ERC2: variants seen among roughly 807,000 people sequenced by gnomAD.
ERC2 encodes the protein ELKS/RAB6-interacting/CAST family member 2, also known as ERC protein 2.
In ERC2, 42 loss-of-function variants were observed where a neutral mutation model predicts 114.8. The ratio of observed to expected loss-of-function variants is 0.37; its 90% CI spans 0.29 to 0.47. The LOEUF (loss-of-function observed/expected upper bound fraction) is 0.47. Ranked by LOEUF, ERC2 falls within the 20% of genes least tolerant of loss-of-function variation. The pLI, the probability that ERC2 is intolerant of heterozygous loss-of-function variation, is 0.99. For synonymous variants in ERC2, 454 were observed against 425.5 expected (o/e 1.07, Z -0.82); for missense variants, 939 against 1,150.7 (o/e 0.82, Z 2.66).
chr3:56,461,756 A>G (rs2063329196), intron 1 of ERC2, among the ~76,000 whole-genome samples: 1 of 152,338 alleles, frequency 6.6e-6, no homozygotes, highest in Non-Finnish European at 1.5e-5. Flanking sequence ...CACTTCATAC[A>G]ACATAAATCT....
intron 3 of ERC2, among the ~76,000 whole-genome samples, chr3:56,267,762 G>A (rs748106926): frequency 6.6e-6 from 1 of 152,116 alleles, no homozygotes; most frequent in Non-Finnish European, 1.5e-5. Flanking sequence ...CTGGGCAAAA[G>A]AGCGGAACTC....
At chr3:56,250,094 G>A (rs1362860161) in intron 3 of ERC2, among the ~76,000 whole-genome samples, 2 of 152,034 alleles carry the variant, frequency 1.3e-5, no homozygotes, top group African/African-American at 2.4e-5. Context: ...CTGACCTTGT[G>A]ATCCACCTGC....
At chr3:56,259,595 A>T (rs2052770383) in intron 3 of ERC2, among the ~76,000 whole-genome samples, 1 of 152,008 alleles carries the variant, frequency 6.6e-6, no homozygotes, top group African/African-American at 2.4e-5. Flanking sequence ...TATCCCAGAT[A>T]CCCTCTAGGT....
intron 17 of ERC2, among the ~76,000 whole-genome samples, chr3:55,554,053 G>A (rs1442717265): frequency 6.6e-6 from 1 of 152,184 alleles, no homozygotes; most frequent in East Asian, 1.9e-4. Context: ...GCTTAACTAG[G>A]GAAAACAATG....
intron 17 of ERC2, among the ~76,000 whole-genome samples, chr3:55,675,789 G>A (rs2061758229): frequency 6.6e-6 from 1 of 151,220 alleles, no homozygotes; most frequent in Admixed American, 6.6e-5. Flanking sequence ...GTGCCATTAT[G>A]GCCATTTTCA....
chr3:55,555,896 A>T (rs2055570960), intron 17 of ERC2, among the ~76,000 whole-genome samples: 1 of 152,220 alleles, frequency 6.6e-6, no homozygotes, highest in Admixed American at 6.5e-5. Context: ...TCAGCAGGAA[A>T]GAGCAGCCCA....
At chr3:55,724,738 C>G (rs1250566898) in intron 15 of ERC2, among the ~76,000 whole-genome samples, 1 of 152,182 alleles carries the variant, frequency 6.6e-6, no homozygotes, top group Non-Finnish European at 1.5e-5. Context: ...CACTCCTAAG[C>G]CTCACTGAAG....
chr3:55,788,361 T>C (rs557475142), intron 14 of ERC2, among the ~76,000 whole-genome samples: 1 of 152,320 alleles, frequency 6.6e-6, no homozygotes, highest in East Asian at 1.9e-4. Context: ...GTCCTGGCCA[T>C]GTGCTAGGAA....
intron 10 of ERC2, among the ~76,000 whole-genome samples, chr3:55,997,026 C>T (rs1039211363): frequency 2.0e-5 from 3 of 152,104 alleles, no homozygotes; most frequent in Non-Finnish European, 4.4e-5. Context: ...ATCCAGATCC[C>T]TAGAAAGGAA....
At chr3:56,239,164 A>G (rs1237392073) in intron 3 of ERC2, among the ~76,000 whole-genome samples, 2 of 152,214 alleles carry the variant, frequency 1.3e-5, no homozygotes, top group East Asian at 1.9e-4. Context: ...TAAAATATAC[A>G]AAGGGAAAAA....
intron 6 of ERC2, among the ~76,000 whole-genome samples, chr3:56,113,451 C>A (rs963591135): frequency 6.6e-6 from 1 of 152,080 alleles, no homozygotes; most frequent in African/African-American, 2.4e-5. Flanking sequence ...ATATAGCAGC[C>A]CTCTATGATT....
intron 13 of ERC2, among the ~76,000 whole-genome samples, chr3:55,919,790 T>C (rs1487496618): frequency 6.6e-6 from 1 of 152,064 alleles, no homozygotes; most frequent in African/African-American, 2.4e-5. Flanking sequence ...GAGGGGGTAG[T>C]AAACCAGCCA....
intron 17 of ERC2, among the ~76,000 whole-genome samples, chr3:55,522,710 A>G (rs2053044439): frequency 6.6e-6 from 1 of 152,166 alleles, no homozygotes; most frequent in Non-Finnish European, 1.5e-5. Context: ...ACAAGGGCCC[A>G]GGGCTGAAAC....
intron 14 of ERC2, among the ~76,000 whole-genome samples, chr3:55,799,183 G>A (rs2070772219): frequency 6.6e-6 from 1 of 151,898 alleles, no homozygotes; most frequent in African/African-American, 2.4e-5. Context: ...TGTATAAAGT[G>A]CTACTGCAAA....
At chr3:55,899,533 G>T (rs1198837176) in intron 13 of ERC2, among the ~76,000 whole-genome samples, 1 of 151,338 alleles carries the variant, frequency 6.6e-6, no homozygotes, top group Non-Finnish European at 1.5e-5. Context: ...GTGTGTGTGT[G>T]ATTTAAAAGT....
intron 4 of ERC2, among the ~76,000 whole-genome samples, chr3:56,149,617 A>T (rs1560260378): frequency 6.6e-6 from 1 of 152,198 alleles, no homozygotes; most frequent in Non-Finnish European, 1.5e-5. Flanking sequence ...TACTAATGGG[A>T]AAAAGGATTC....
At chr3:55,521,520 G>T (rs2052932670) in intron 17 of ERC2, among the ~76,000 whole-genome samples, 1 of 152,222 alleles carries the variant, frequency 6.6e-6, no homozygotes, top group South Asian at 2.1e-4. Context: ...ACTTTTCCAG[G>T]TGAGTAGCTC....
At chr3:55,896,655 T>A (rs1166610799) in intron 13 of ERC2, among the ~76,000 whole-genome samples, 2 of 152,228 alleles carry the variant, frequency 1.3e-5, no homozygotes, top group African/African-American at 4.8e-5. Flanking sequence ...CTCTAGAATA[T>A]TCCAGATGTT....
chr3:56,404,233 T>A (rs2060626355), intron 2 of ERC2, among the ~76,000 whole-genome samples: 1 of 152,260 alleles, frequency 6.6e-6, no homozygotes, highest in Non-Finnish European at 1.5e-5. Flanking sequence ...ATTAATATTA[T>A]TTTTATTCTT....
Sources: gnomAD v4.1 joint callset for allele counts (sites outside exome capture counted in the v4.1 genomes callset) on GRCh38, gnomAD v4.1.1 for gene constraint, MANE v1.5 for transcripts, NCBI Gene and HGNC (gene_info 2026-07-23, HGNC 2026-07-21) for gene names.